NEK10: variants seen among roughly 807,000 people sequenced by gnomAD.
NEK10 encodes the protein serine/threonine-protein kinase Nek10.
In NEK10, 122 loss-of-function variants were observed where a neutral mutation model predicts 159.8. The ratio of observed to expected loss-of-function variants is 0.76; its 90% CI spans 0.66 to 0.89. NEK10 has a LOEUF of 0.89. Among genes scored for constraint, NEK10 ranks in the 40% least tolerant of loss-of-function variants. The pLI, the probability that NEK10 is intolerant of heterozygous loss-of-function variation, is 0.00. For synonymous variants in NEK10, 466 were observed against 457.1 expected, an observed-to-expected ratio of 1.02 and a Z score of -0.25; for missense variants, 1,342 against 1,323.1, an observed-to-expected ratio of 1.01 and a Z score of -0.22.
chr3:27,291,744 G>A (rs1305071947), intron 16 of NEK10, among the ~76,000 whole-genome samples, 158 bp from the exon 17 acceptor site: 1 of 152,102 alleles, frequency 6.6e-6, no homozygotes, highest in Non-Finnish European at 1.5e-5. Flanking sequence ...CCACGTTCAC[G>A]CCATTCTCCT....
At chr3:27,178,801 T>C (rs749976799) in intron 26 of NEK10, among the ~76,000 whole-genome samples, 3 of 152,200 alleles carry the variant, frequency 2.0e-5, no homozygotes, top group Non-Finnish European at 4.4e-5. Flanking sequence ...TAGGAACCTT[T>C]TCTCCAGGCC....
rs761822059 is a variant in NEK10 at position 27,174,746 on chromosome 3, G to C, written c.2593C>G (p.Pro865Ala). ...CCATAGGAGGCCTGGAAGCCTTCAG[G>C]GGGCAGGTCTGCGCTTTCTGAAAGT... Reference protein sequence around the residue: ...SELSESADLPPEGFQASYGKD... With the variant: ...SELSESADLPAEGFQASYGKD... Residue 865 changes from proline (P) to alanine (A), a missense_variant, in exon 27 of 36, where the codon CCT becomes GCT. Coordinates refer to ENST00000691995, the MANE Select transcript of NEK10 (RefSeq NM_001394966.1). 1 of 1,613,500 alleles carries C rather than the reference G, an allele frequency of 6.2e-7. No homozygotes were observed. The highest frequency in any genetic ancestry group is 8.5e-7 in the Non-Finnish European group (1 of 1,179,834).
chr3:27,361,813 T>C (rs73055753), intron 1 of NEK10, among the ~76,000 whole-genome samples: 49,384 of 152,016 alleles, frequency 0.32, 10,079 homozygotes, highest in East Asian at 0.74. Flanking sequence ...TAAAATAAAA[T>C]TGAATTTCAT....
intron 18 of NEK10, among the ~76,000 whole-genome samples, 158 bp downstream of exon 18, chr3:27,291,104 T>C (rs2042962847): frequency 6.6e-6 from 1 of 152,250 alleles, no homozygotes; most frequent in African/African-American, 2.4e-5. Flanking sequence ...ACAATATTAG[T>C]GTGGCTATCT....
intron 30 of NEK10, among the ~76,000 whole-genome samples, chr3:27,145,133 C>T (rs928523528): frequency 1.5e-5 from 2 of 137,896 alleles, no homozygotes; most frequent in Non-Finnish European, 3.2e-5. Flanking sequence ...TGACTGTTCA[C>T]CAAAAAAAAA....
chr3:27,268,820 A>G (rs751539407), intron 22 of NEK10, among the ~76,000 whole-genome samples: 1 of 152,238 alleles, frequency 6.6e-6, no homozygotes, highest in Non-Finnish European at 1.5e-5. Flanking sequence ...GCTGCCATAG[A>G]TAGTGACTCC....
In NEK10 at chr3:27,291,251, G is replaced by A. The variant is rs765091241; in HGVS notation, c.1605+11C>T. 3.3e-5 allele frequency: 53 copies of A among 1,608,830 alleles called. No individual in the cohort carries two copies. Among genetic ancestry groups the A allele is most frequent in the Non-Finnish European group, 4.2e-5 (50 of 1,178,504 alleles). ...GGGAGTATCAGAAATGTTCCCCAAG[G>A]GGAAAGTCACCTTGTAAACACAGCC... is the stretch of plus-strand genomic sequence containing the variant. On this transcript the variant is annotated intron_variant, in intron 18 of 35. Transcript: ENST00000691995.
rs752561612 is a variant in NEK10, at chr3:27,311,033, G to C, written c.569-17C>G. The C allele has an allele frequency of 2.6e-5, 40 of 1,544,416 alleles. No individual in the cohort carries two copies. In the African/African-American group the frequency reaches 4.2e-4, roughly 16 times the overall value. On this transcript the variant is annotated splice_polypyrimidine_tract_variant and intron_variant, in intron 8 of 35. Coordinates refer to ENST00000691995, the MANE Select transcript of NEK10 (RefSeq NM_001394966.1). ...GAAAAATATCTATAAAGGAAAGAAA[G>C]AGCGCAAAGAGGCATCCAGAGATTA...
At chr3:27,234,702 AC>A (rs1431155051) in intron 23 of NEK10, among the ~76,000 whole-genome samples, 1 of 152,172 alleles carries the variant, frequency 6.6e-6, no homozygotes, top group Non-Finnish European at 1.5e-5. Context: ...AGCAATTCAT[AC>A]ATTCAATGCT....
intron 29 of NEK10, among the ~76,000 whole-genome samples, chr3:27,163,086 TATG>T (rs1054855490): frequency 1.3e-5 from 2 of 150,666 alleles, no homozygotes; most frequent in African/African-American, 4.8e-5. Flanking sequence ...TAGTATTTTC[TATG>T]ATTTGTCCCT....
intron 22 of NEK10, among the ~76,000 whole-genome samples, chr3:27,267,922 T>G (rs1441733936): frequency 6.6e-6 from 1 of 152,220 alleles, no homozygotes; most frequent in Non-Finnish European, 1.5e-5. Context: ...GGAAAAGCTC[T>G]GGAAGGAAAT....
chr3:27,274,650 T>TAC (rs529263729), intron 22 of NEK10, among the ~76,000 whole-genome samples: 6 of 151,482 alleles, frequency 4.0e-5, no homozygotes, highest in African/African-American at 7.3e-5. Context: ...CATGCAGGCA[T>TAC]ACACACACAC....
intron 30 of NEK10, among the ~76,000 whole-genome samples, chr3:27,142,957 A>T (rs1943929178): frequency 6.6e-6 from 1 of 152,202 alleles, no homozygotes; most frequent in Admixed American, 6.5e-5. Context: ...CATGGACACA[A>T]TGTTTACTCC....
intron 23 of NEK10, among the ~76,000 whole-genome samples, chr3:27,233,686 A>T (rs995989568): frequency 1.3e-5 from 2 of 152,038 alleles, no homozygotes; most frequent in South Asian, 4.1e-4. Flanking sequence ...GTGGTATAAG[A>T]TGTACAAAGA....
At chr3:27,266,760 G>C (rs1300733272) in intron 22 of NEK10, among the ~76,000 whole-genome samples, 1 of 152,174 alleles carries the variant, frequency 6.6e-6, no homozygotes. Context: ...TGTCAGTAGA[G>C]GGTGTGCTGA....
chr3:27,366,325 C>T (rs1291837347), intron 1 of NEK10, among the ~76,000 whole-genome samples: 1 of 152,164 alleles, frequency 6.6e-6, no homozygotes, highest in Non-Finnish European at 1.5e-5. Flanking sequence ...ATGAACTCTG[C>T]TCTACTGCGC....
intron 19 of NEK10, among the ~76,000 whole-genome samples, chr3:27,288,066 C>A (rs1177949095): frequency 6.6e-6 from 1 of 152,134 alleles, no homozygotes; most frequent in Non-Finnish European, 1.5e-5. Flanking sequence ...CACACCTTGT[C>A]ACAACCCGAC....
At chr3:27,230,521 G>C (rs1953126095) in intron 23 of NEK10, among the ~76,000 whole-genome samples, 1 of 151,944 alleles carries the variant, frequency 6.6e-6, no homozygotes, top group Non-Finnish European at 1.5e-5. Flanking sequence ...TCACATCTCA[G>C]TATTAACAAT....
chr3:27,232,653 C>T (rs1325978089), intron 23 of NEK10, among the ~76,000 whole-genome samples: 2 of 151,996 alleles, frequency 1.3e-5, no homozygotes, highest in Non-Finnish European at 2.9e-5. Context: ...CATTACCAGA[C>T]TTCAAATTAT....
Sources: gnomAD v4.1 joint callset for allele counts (sites outside exome capture counted in the v4.1 genomes callset) on GRCh38, gnomAD v4.1.1 for gene constraint, MANE v1.5 for transcripts, NCBI Gene and HGNC (gene_info 2026-07-23, HGNC 2026-07-21) for gene names.